OIT3: variants seen among roughly 807,000 people sequenced by gnomAD.
The protein encoded by OIT3 is oncoprotein induced transcript 3.
OIT3 carries 41 observed loss-of-function variants against 52.2 expected under a neutral mutation model. The ratio of observed to expected loss-of-function variants is 0.79; its 90% confidence interval spans 0.61 to 1.02. OIT3 has a LOEUF of 1.02. Among genes scored for constraint, OIT3 ranks in the 50% least tolerant of loss-of-function variants. OIT3 has a pLI of 0.00. For missense variants in OIT3, 634 were observed against 715.5 expected, an observed-to-expected ratio of 0.89 and a Z score of 1.30; for synonymous variants, 244 against 276.9, an observed-to-expected ratio of 0.88 and a Z score of 1.18.
At chr10:72,920,601 C>T (rs1219576535) in intron 6 of OIT3, among the ~76,000 whole-genome samples, 1 of 152,148 alleles carries the variant, frequency 6.6e-6, no homozygotes, top group Non-Finnish European at 1.5e-5. Flanking sequence ...ACTGCCTAAC[C>T]TGTGCCCCTG....
intron 4 of OIT3, among the ~76,000 whole-genome samples, chr10:72,910,527 A>C (rs549928366): frequency 6.6e-6 from 1 of 152,298 alleles, no homozygotes; most frequent in African/African-American, 2.4e-5. Flanking sequence ...AAAAATACAG[A>C]TGTATAAACT....
intron 2 of OIT3, among the ~76,000 whole-genome samples, chr10:72,900,085 T>C (rs925675872): frequency 2.6e-5 from 4 of 152,170 alleles, no homozygotes; most frequent in African/African-American, 9.7e-5. Flanking sequence ...CATTGGTTTA[T>C]ATAAACCCTG....
chr10:72,921,675 CTTT>C (rs34710217), intron 6 of OIT3, among the ~76,000 whole-genome samples: 3 of 133,364 alleles, frequency 2.2e-5, no homozygotes, highest in African/African-American at 5.4e-5. Flanking sequence ...TTCTTTCTTT[CTTT>C]TTTTTTTTTT....
intron 4 of OIT3, among the ~76,000 whole-genome samples, chr10:72,908,119 T>G (rs1422886639): frequency 6.6e-6 from 1 of 152,088 alleles, no homozygotes; most frequent in Non-Finnish European, 1.5e-5. Flanking sequence ...GGCGGGCGCC[T>G]GTAATCCCAA....
At chr10:72,916,790 C>T (rs974829816) in intron 6 of OIT3, among the ~76,000 whole-genome samples, 1 of 152,174 alleles carries the variant, frequency 6.6e-6, no homozygotes, top group African/African-American at 2.4e-5. Flanking sequence ...TTTACACTCC[C>T]ACCAACAGTG....
In OIT3 at chr10:72,930,624, G is replaced by A; in HGVS notation, c.1454G>A (p.Gly485Asp). ...HFQVPVFKFV[G>D]KDHKEVFLHC... ...CAGGTCCCTGTCTTCAAGTTTGTGG[G>A]CAAAGACCACAAGGTGAGTTGAACA... Residue 485 changes from glycine (G) to aspartate (D), a missense_variant, in exon 8 of 9, where the codon GGC becomes GAC. Physicochemically the swap from Gly to Asp is moderately conservative, Grantham distance 94 (BLOSUM62 -1). Coordinates refer to ENST00000334011, the MANE Select transcript of OIT3 (RefSeq NM_152635.3). 6.2e-7 allele frequency: 1 copy of A among 1,605,432 alleles called. No homozygotes were observed. The highest frequency in any genetic ancestry group is 1.1e-5 in the South Asian group (1 of 90,792).
chr10:72,927,045 G>A (rs954858192), intron 7 of OIT3, among the ~76,000 whole-genome samples: 1 of 152,230 alleles, frequency 6.6e-6, no homozygotes, highest in Non-Finnish European at 1.5e-5. Flanking sequence ...ATAACTCACT[G>A]AGAAAAACGT....
At chr10:72,930,679 CT>C (rs368917423) in intron 8 of OIT3, 42 bp downstream of exon 8, 129,897 of 751,054 alleles carry the variant, frequency 0.17, 14 homozygotes, top group Middle Eastern at 0.28. Context: ...GAACCTGAGC[CT>C]TTTTTTTTTT....
chr10:72,917,171 C>A (rs1485363836), intron 6 of OIT3, among the ~76,000 whole-genome samples: 5 of 152,070 alleles, frequency 3.3e-5, no homozygotes, highest in Non-Finnish European at 5.9e-5. Context: ...TTAATTAGAT[C>A]CCATTTGCCA....
intron 3 of OIT3, among the ~76,000 whole-genome samples, chr10:72,901,054 C>T (rs962389131): frequency 1.3e-5 from 2 of 151,880 alleles, no homozygotes; most frequent in Admixed American, 1.3e-4. Context: ...GGTGAAAGAA[C>T]GAGACTCTGT....
At position 72,893,871 on chromosome 10, in the gene OIT3, G is replaced by A. The variant is rs760625833; in HGVS notation, c.61+12G>A. On this transcript the variant is annotated intron_variant, in intron 1 of 8. Coordinates refer to ENST00000334011, the MANE Select transcript of OIT3 (RefSeq NM_152635.3). ...CGTGTCACCCGTGGGTGAGTCTCAT[G>A]TCAAGAACTTGGCACAATGCACTTT... 3 of 1,603,256 alleles carry A rather than the reference G, an allele frequency of 1.9e-6. No homozygotes were observed. Among genetic ancestry groups the A allele is most frequent in the Admixed American group, 3.4e-5 (2 of 58,106 alleles).
chr10:72,913,624 G>A (rs574297930), intron 6 of OIT3, 156 bp downstream of exon 6: 10 of 718,558 alleles, frequency 1.4e-5, no homozygotes, highest in East Asian at 5.3e-5. Flanking sequence ...TTTAACCAAC[G>A]TGTTATTGAG....
At chr10:72,926,431 C>G (rs1256834222) in intron 7 of OIT3, among the ~76,000 whole-genome samples, 1 of 152,192 alleles carries the variant, frequency 6.6e-6, no homozygotes, top group Non-Finnish European at 1.5e-5. Context: ...ACCTGGACAG[C>G]AAAGCAGCCT....
At chr10:72,930,679 CTTTTTTT>C in intron 8 of OIT3, 42 bp downstream of exon 8, 18 of 756,722 alleles carry the variant, frequency 2.4e-5, no homozygotes, top group South Asian at 8.8e-5. Flanking sequence ...GAACCTGAGC[CTTTTTTT>C]TTTTTTTTTT....
intron 5 of OIT3, 123 bp from the exon 6 acceptor site, chr10:72,913,185 C>T: frequency 1.5e-6 from 1 of 656,766 alleles, no homozygotes; most frequent in East Asian, 2.6e-5. Flanking sequence ...GTTTTCAGCC[C>T]CTCTGATTTC....
chr10:72,918,295 T>A, intron 6 of OIT3: 1 of 775,562 alleles, frequency 1.3e-6, no homozygotes, highest in East Asian at 2.4e-5. Context: ...TATACAGACA[T>A]TTTCAAAGTT....
intron 3 of OIT3, among the ~76,000 whole-genome samples, chr10:72,902,219 G>A (rs1564590076): frequency 6.6e-6 from 1 of 152,214 alleles, no homozygotes; most frequent in East Asian, 1.9e-4. Context: ...AGGGGCAATA[G>A]TGGTTCCTGA....
chr10:72,919,205 C>T lies in OIT3; in HGVS notation c.952-5024C>T, dbSNP rs190017135. Among the ~76,000 whole-genome samples, 723 of 152,034 alleles carry T rather than the reference C, an allele frequency of 4.8e-3. 4 individuals are homozygous for T. The highest frequency in any genetic ancestry group is 0.016 in the African/African-American group (681 of 41,482). ...GTTTTCCTAGTTATTTTATTCTTTT[C>T]GTGGCAATTGTGAATGGGAGTTCAT... is the stretch of plus-strand genomic sequence containing the variant. On this transcript the variant is annotated intron_variant, in intron 6 of 8. Coordinates refer to ENST00000334011, the MANE Select transcript of OIT3 (RefSeq NM_152635.3).
chr10:72,922,081 G>A (rs1408975884), intron 6 of OIT3, among the ~76,000 whole-genome samples: 1 of 152,142 alleles, frequency 6.6e-6, no homozygotes, highest in Non-Finnish European at 1.5e-5. Context: ...TCCCTTGTAG[G>A]TGACTTAGCC....
Sources: gnomAD v4.1 joint callset for allele counts (sites outside exome capture counted in the v4.1 genomes callset) on GRCh38, gnomAD v4.1.1 for gene constraint, MANE v1.5 for transcripts, NCBI Gene and HGNC (gene_info 2026-07-23, HGNC 2026-07-21) for gene names.